TLN1: variants seen among roughly 807,000 people sequenced by gnomAD.
TLN1 encodes the protein talin 1, also known as talin-1.
In TLN1, 56 loss-of-function variants were observed where a neutral mutation model predicts 292.3. That is an observed-to-expected ratio of 0.19 (90% CI 0.15 to 0.24). The LOEUF is 0.24. Among genes scored for constraint, TLN1 ranks in the 10% least tolerant of loss-of-function variants. The probability of loss-of-function intolerance (pLI) is 1.00; values close to 1 mark genes in which losing one functional copy is unlikely to be tolerated. For synonymous variants in TLN1, 1,119 were observed against 1,253.7 expected, an observed-to-expected ratio of 0.89 and a Z score of 2.27; for missense variants, 2,433 against 3,248.2, an observed-to-expected ratio of 0.75 and a Z score of 6.10.
rs1825942278 is a variant in TLN1, at chr9:35,724,954, A to G, written c.234T>C (p.Thr78=). Residue 78 remains threonine (T), a synonymous_variant, in exon 4 of 57, where the codon ACT becomes ACC. Coordinates refer to ENST00000314888, the MANE Select transcript of TLN1 (RefSeq NM_006289.4). This position sits in a 1 kb window ranked among gnomAD's most constrained non-coding sequence, Gnocchi z 4.7. ...GTCTCTGTTTCTTCCTGTACTCCAT[A>G]GTGTCCTGTTAGGGCAGGAAGAAGA... The part of the protein sequence containing the change: ...LDYYMLRNGD[T]MEYRKKQRPL... The G allele has an allele frequency of 5.0e-6, 8 of 1,613,910 alleles. No homozygotes were observed. The highest frequency in any genetic ancestry group is 6.8e-6 in the Non-Finnish European group (8 of 1,180,022).
At chr9:35,697,958 A>T (rs759557188) in intron 56 of TLN1, 42 bp from the exon 57 acceptor site, 1 of 1,613,908 alleles carries the variant, frequency 6.2e-7, no homozygotes, top group Non-Finnish European at 8.5e-7. Context: ...GAGGATGCAC[A>T]GCAGGGGCAT....
Position 35,720,848 on chromosome 9 carries a change from C to G in TLN1, c.1170G>C (p.Gln390His). The change falls in exon 11 of 57, where the codon CAG becomes CAC. Residue 390 changes from glutamine to histidine, a missense_variant. Physicochemically the swap from Gln to His is conservative, Grantham distance 24. This residue lies in a region of TLN1 where 57 missense variants were observed against 136.5 expected (regional missense o/e 0.42). Transcript: ENST00000314888. ...TGATATCGATGTAGCCGGCAATGAGCTGTGCAATCTGCTCCCCTTCAGTTG... is the reference window on the plus strand; with the variant it reads ...TGATATCGATGTAGCCGGCAATGAGGTGTGCAATCTGCTCCCCTTCAGTTG... ...VQTTEGEQIAQLIAGYIDIIL... is the reference protein window; with the variant it reads ...VQTTEGEQIAHLIAGYIDIIL... 2 of 1,614,138 alleles carry G rather than the reference C, an allele frequency of 1.2e-6. No homozygotes were observed. Among genetic ancestry groups the G allele is most frequent in the Non-Finnish European group, 1.7e-6 (2 of 1,180,024 alleles).
Position 35,707,540 on chromosome 9 carries a change from T to C in TLN1, c.4633-52A>G, listed in dbSNP as rs376738009. ...ACTTGGGATGCAGTCATAGGGGGTATAGGAAGTGAAGTCCAGGTCTCCTTC... is the reference window on the plus strand; with the variant it reads ...ACTTGGGATGCAGTCATAGGGGGTACAGGAAGTGAAGTCCAGGTCTCCTTC... On this transcript the variant is annotated intron_variant, in intron 35 of 56. Transcript: ENST00000314888. This position sits in a 1 kb window ranked among gnomAD's most constrained non-coding sequence, Gnocchi z 5.6. 9.4e-6 allele frequency: 15 copies of C among 1,601,478 alleles called. No homozygotes were observed. The highest frequency in any genetic ancestry group is 1.3e-5 in the Non-Finnish European group (15 of 1,171,500).
rs1028376828 is a variant in TLN1 at position 35,711,306 on chromosome 9, G to T, written c.3968C>A (p.Ser1323Tyr). ...SKLLLAAKAL[S>Y]TDPAAPNLKS... ...GAGGTTAGGGGCAGCAGGGTCCGTG[G>T]ACAGGGCCTTGGCAGCCAGAAGAAG... Residue 1323 changes from serine to tyrosine, a missense_variant, in exon 30 of 57, where the codon TCC becomes TAC. Transcript: ENST00000314888. 6.2e-7 allele frequency: 1 copy of T among 1,614,068 alleles called. No homozygotes were observed.
At chr9:35,731,653 C>T (rs1826082092) in intron 1 of TLN1, among the ~76,000 whole-genome samples, 1 of 152,102 alleles carries the variant, frequency 6.6e-6, no homozygotes, top group Non-Finnish European at 1.5e-5. Context: ...TAATCTAAAC[C>T]TTACCTATCT....
In TLN1 at chr9:35,697,536, C is replaced by T. The variant is rs1013789893; in HGVS notation, c.*255G>A. On this transcript the variant is annotated 3_prime_UTR_variant, in exon 57 of 57. Coordinates refer to ENST00000314888, the MANE Select transcript of TLN1 (RefSeq NM_006289.4). Reference sequence around the variant, plus strand: ...GCAGATTCAGATCGAGGTACAGCAGCGTTAATAATACTCTTGGAGCGTTAA... The same window carrying T: ...GCAGATTCAGATCGAGGTACAGCAGTGTTAATAATACTCTTGGAGCGTTAA... The T allele has an allele frequency of 2.0e-6, 1 of 511,642 alleles. No individual in the cohort carries two copies. The highest frequency in any genetic ancestry group is 2.9e-5 in the South Asian group (1 of 34,174). The allele number at this position is 511,642 out of a possible 1,614,324, so 31.7% of individuals were successfully genotyped here. A position where few individuals can be genotyped will look rare whatever the true frequency, so the allele number is the denominator to read the frequency against.
Position 35,724,823 on chromosome 9 carries a change from C to T in TLN1, c.358+7G>A, listed in dbSNP as rs1337341996. On this transcript the variant is annotated splice_region_variant and intron_variant, in intron 4 of 56. Transcript: ENST00000314888. This position sits in a 1 kb window ranked among gnomAD's most constrained non-coding sequence, Gnocchi z 4.7. ...CCCAGGCTTTCAACTGTACTAGGGC[C>T]CCTTACCAATGCGGGCACAGATGGT... 6.2e-7 allele frequency: 1 copy of T among 1,614,106 alleles called. No individual in the cohort carries two copies. Among genetic ancestry groups the T allele is most frequent in the Admixed American group, 1.7e-5 (1 of 60,022 alleles).
Position 35,704,570 on chromosome 9 carries a change from G to A in TLN1, c.5881-72C>T. On this transcript the variant is annotated intron_variant, in intron 44 of 56. Coordinates refer to ENST00000314888, the MANE Select transcript of TLN1 (RefSeq NM_006289.4). This position sits in a 1 kb window ranked among gnomAD's most constrained non-coding sequence, Gnocchi z 6.9. ...ATGGAAAGGTTGCCCATGCCTGGGA[G>A]AAGTGACAACAGGAGAGGGCTGAGA... The A allele has an allele frequency of 1.3e-6, 2 of 1,585,364 alleles. No homozygotes were observed. Among genetic ancestry groups the A allele is most frequent in the Non-Finnish European group, 1.7e-6 (2 of 1,164,070 alleles).
chr9:35,719,015 C>A lies in TLN1; in HGVS notation c.1896+59G>T, dbSNP rs1825835693. The A allele has an allele frequency of 6.3e-7, 1 of 1,596,518 alleles. No individual in the cohort carries two copies. The highest frequency in any genetic ancestry group is 1.3e-5 in the African/African-American group (1 of 74,670). On this transcript the variant is annotated intron_variant, in intron 16 of 56. Transcript: ENST00000314888. This position sits in a 1 kb window ranked among gnomAD's most constrained non-coding sequence, Gnocchi z 4.6. ...GGCTTCCATCCTGTGGCTTGGACTG[C>A]CCCTTCTCCTTGGGCTTGAACCCTG...
In TLN1 at chr9:35,720,517, A is replaced by G; in HGVS notation, c.1207-8T>C. On this transcript the variant is annotated splice_region_variant and splice_polypyrimidine_tract_variant and intron_variant, in intron 11 of 56. Coordinates refer to ENST00000314888, the MANE Select transcript of TLN1 (RefSeq NM_006289.4). Reference sequence around the variant, plus strand: ...GTGATCCTTGCTTTTTTTCTGTAGGAAGGAAAAAGGAACAAGAGTTGGGAT... The same window carrying G: ...GTGATCCTTGCTTTTTTTCTGTAGGGAGGAAAAAGGAACAAGAGTTGGGAT... 1 of 1,613,836 alleles carries G rather than the reference A, an allele frequency of 6.2e-7. No homozygotes were observed. Among genetic ancestry groups the G allele is most frequent in the African/African-American group, 1.3e-5 (1 of 75,060 alleles).
chr9:35,708,546 ATAG>A, intron 33 of TLN1, 62 bp from the exon 34 acceptor site: 1 of 1,457,438 alleles, frequency 6.9e-7, no homozygotes, highest in South Asian at 1.4e-5. Context: ...ATGAATAGTG[ATAG>A]TAGGGACAAA....
rs749822113 is a variant in TLN1, at chr9:35,725,214, G to A, written c.228+10C>T. On this transcript the variant is annotated intron_variant, in intron 3 of 56. Transcript: ENST00000314888. ...GGGGATGTGGTGGTCCTTGATGAAA[G>A]GATACTTACCCCATTTCGGAGCATG... 2 of 1,613,894 alleles carry A rather than the reference G, an allele frequency of 1.2e-6. No individual in the cohort carries two copies. Among genetic ancestry groups the A allele is most frequent in the South Asian group, 1.1e-5 (1 of 91,070 alleles).
At chr9:35,720,988 C>A in intron 10 of TLN1, 75 bp from the exon 11 acceptor site, 2 of 1,158,986 alleles carry the variant, frequency 1.7e-6, no homozygotes, top group Non-Finnish European at 2.6e-6. Flanking sequence ...ATGGGAGGCC[C>A]AAGGTTGAGC....
chr9:35,705,686 C>T lies in TLN1; in HGVS notation c.5614-16G>A, dbSNP rs147313734. On this transcript the variant is annotated splice_polypyrimidine_tract_variant and intron_variant, in intron 42 of 56. Transcript: ENST00000314888. ...ACTTGGTAACCTGGTGATAATGGAA[C>T]GAGTGAAGTTATATCCAAAGTCAGC... 4.1e-5 allele frequency: 66 copies of T among 1,612,764 alleles called. No individual in the cohort carries two copies. The East Asian group carries it at 7.6e-4, about 19-fold the overall frequency.
Position 35,717,732 on chromosome 9 carries a change from G to T in TLN1, c.2050C>A (p.Leu684Ile). ...AVASAAAALV[L>I]KAKSVAQRTE... ...CGCTGGGCCACACTCTTGGCCTTGA[G>T]GACCAGGGCAGCTGCAGCACTTGCC... is the stretch of plus-strand genomic sequence containing the variant. Residue 684 changes from leucine (L) to isoleucine (I), a missense_variant, in exon 18 of 57, where the codon CTC becomes ATC. Leu to Ile is a conservative substitution (Grantham distance 5). Transcript: ENST00000314888. This position sits in a 1 kb window ranked among gnomAD's most constrained non-coding sequence, Gnocchi z 4.7. 1 of 1,613,050 alleles carries T rather than the reference G, an allele frequency of 6.2e-7. No individual in the cohort carries two copies. Among genetic ancestry groups the T allele is most frequent in the East Asian group, 2.2e-5 (1 of 44,848 alleles).
In TLN1 at chr9:35,715,050, C is replaced by A. The variant is rs773893745; in HGVS notation, c.2754+9G>T. ...TCTCTCTTGCTCCTGGTGAAACTCC[C>A]AGCCTCACCTCCAGGCGCTGCACCA... On this transcript the variant is annotated intron_variant, in intron 21 of 56. Transcript: ENST00000314888. 53 of 1,612,708 alleles carry A rather than the reference C, an allele frequency of 3.3e-5. 1 individual carries two copies. In the South Asian group the frequency reaches 5.7e-4, roughly 17 times the overall value.
Position 35,700,336 on chromosome 9 carries a change from G to T in TLN1, c.6515C>A (p.Pro2172Gln), listed in dbSNP as rs778120838. The part of the protein sequence containing the change: ...SPEPPAKTST[P>Q]EDFIRMTKGI... ...CTTGGTCATTCGGATGAAGTCTTCT[G>T]GGGTAGAGGTCTTGGCAGGTGGCTC... The change falls in exon 49 of 57, where the codon CCA (proline) becomes CAA (glutamine). Residue 2172 changes from proline (P) to glutamine (Q), a missense_variant. Physicochemically the swap from Pro to Gln is moderately conservative, Grantham distance 76. Coordinates refer to ENST00000314888, the MANE Select transcript of TLN1 (RefSeq NM_006289.4). The T allele has an allele frequency of 1.2e-6, 2 of 1,608,496 alleles. No homozygotes were observed. Among genetic ancestry groups the T allele is most frequent in the African/African-American group, 1.3e-5 (1 of 75,008 alleles).
At position 35,716,390 on chromosome 9, in the gene TLN1, C is replaced by CT. The variant is rs1399272362; in HGVS notation, c.2624dup (p.Ala877SerfsTer6). 6.2e-7 allele frequency: 1 copy of CT among 1,613,960 alleles called. No individual in the cohort carries two copies. Among genetic ancestry groups the CT allele is most frequent in the Non-Finnish European group, 8.5e-7 (1 of 1,180,000 alleles). ...GGAGTGTGCACAGAAGGCTTTGTAC[C>CT]TTGGCAGCCTCTACCATCTTGGCTG... On this transcript the variant is annotated frameshift_variant and splice_region_variant, in exon 20 of 57. Transcript: ENST00000314888. LOFTEE classifies it high-confidence loss of function.
intron 11 of TLN1, 126 bp downstream of exon 11, chr9:35,720,686 C>T: frequency 2.9e-6 from 3 of 1,048,334 alleles, no homozygotes; most frequent in Non-Finnish European, 4.3e-6. Flanking sequence ...AGTGCAGAGG[C>T]AAGATCTCGG....
Sources: gnomAD v4.1 joint callset for allele counts (sites outside exome capture counted in the v4.1 genomes callset) on GRCh38, gnomAD v4.1.1 for gene constraint, gnomAD v4.1.1 regional missense constraint, Gnocchi (gnomAD v3.1) non-coding constraint, MANE v1.5 for transcripts, NCBI Gene and HGNC (gene_info 2026-07-23, HGNC 2026-07-21) for gene names.